ZFHX2: variants seen among roughly 807,000 people sequenced by gnomAD.
The protein encoded by ZFHX2 is zinc finger homeobox protein 2.
In ZFHX2, 75 loss-of-function variants were observed where a neutral mutation model predicts 164.8. The observed-to-expected ratio is 0.46, with a 90% CI of 0.38 to 0.55. The LOEUF (loss-of-function observed/expected upper bound fraction) is 0.55, where lower values mean the gene tolerates loss of function less well. ZFHX2 is among the 20% of genes least tolerant of loss of function. The probability of loss-of-function intolerance (pLI) is 0.00; values close to 1 mark genes in which losing one functional copy is unlikely to be tolerated. For synonymous variants in ZFHX2, 1,217 were observed against 1,351.4 expected (o/e 0.90, Z 2.18); for missense variants, 2,933 against 3,308.0 (o/e 0.89, Z 2.78).
Position 23,522,553 on chromosome 14 carries a change from G to A in ZFHX2, c.7128C>T (p.Gly2376=), listed in dbSNP as rs1211910688. Residue 2376 remains glycine, a synonymous_variant, in exon 10 of 10, where the codon GGC becomes GGT. Transcript: ENST00000419474. ...LQGAYFQQLY[G]MKKGLFPMNP... ...TCATGGGAAATAGCCCCTTCTTCAT[G>A]CCATAGAGCTGTTGGAAGTAGGCCC... 1.3e-6 allele frequency: 2 copies of A among 1,525,820 alleles called. No individual in the cohort carries two copies. The highest frequency in any genetic ancestry group is 2.8e-5 in the African/African-American group (2 of 72,694). The allele number at this position is 1,525,820 out of a possible 1,614,324, so 94.5% of individuals were successfully genotyped here.
At chr14:23,528,150 CT>C (rs1292416054) in intron 6 of ZFHX2, among the ~76,000 whole-genome samples, 1 of 152,166 alleles carries the variant, frequency 6.6e-6, no homozygotes, top group Non-Finnish European at 1.5e-5. Context: ...GCCAGGTGAT[CT>C]ACTCATCTTG....
Position 23,535,037 on chromosome 14 carries a change from C to T in ZFHX2, c.289G>A (p.Glu97Lys), listed in dbSNP as rs1239444379. ...PNDPGVEKDK[E>K]QEEEEEGLPP... The stretch of plus-strand genomic sequence containing the variant: ...AGCCCTTCTTCTTCCTCCTCCTGCT[C>T]CTTGTCCTTTTCCACCCCTGGGTCA... The change falls in exon 2 of 10, where the codon GAG becomes AAG. Residue 97 changes from glutamate to lysine, a missense_variant. By Grantham distance (56) the Glu-to-Lys change is moderately conservative. Coordinates refer to ENST00000419474, the MANE Select transcript of ZFHX2 (RefSeq NM_033400.3). The surrounding 1 kb of genome is among the most constrained non-coding windows in gnomAD (Gnocchi z 4.5). 6.5e-7 allele frequency: 1 copy of T among 1,536,094 alleles called. No individual in the cohort carries two copies. The highest frequency in any genetic ancestry group is 8.7e-7 in the Non-Finnish European group (1 of 1,146,918).
chr14:23,536,730 A>G (rs1260355579), intron 1 of ZFHX2, among the ~76,000 whole-genome samples: 1 of 152,236 alleles, frequency 6.6e-6, no homozygotes, highest in Admixed American at 6.5e-5. Context: ...GTGAAACTAG[A>G]AATGGACTGA....
In ZFHX2 at chr14:23,524,064, T is replaced by G; in HGVS notation, c.5878A>C (p.Lys1960Gln). The G allele has an allele frequency of 2.6e-6, 4 of 1,519,824 alleles. No homozygotes were observed. The highest frequency in any genetic ancestry group is 3.5e-6 in the Non-Finnish European group (4 of 1,137,998). 94.1% of individuals were successfully genotyped at this position (1,519,824 alleles called of 1,614,324 possible). ...TAGGGAAAAGCAGGTGCTTCCCTCT[T>G]TGGGGCTTCCCTCCCAGTGCCATCA... ...VDDGTGREAP[K>Q]REAPAFPYPT... Residue 1960 changes from lysine (K) to glutamine (Q), a missense_variant, in exon 9 of 10, where the codon AAG (lysine) becomes CAG (glutamine). By Grantham distance (53) the Lys-to-Gln change is moderately conservative (BLOSUM62 1). Coordinates refer to ENST00000419474, the MANE Select transcript of ZFHX2 (RefSeq NM_033400.3). The surrounding 1 kb of genome is among the most constrained non-coding windows in gnomAD (Gnocchi z 5.6).
rs116882993 is a variant in ZFHX2, at chr14:23,545,519, G to A, written c.-50+5824C>T. 7.6e-4 allele frequency among the ~76,000 whole-genome samples: 115 copies of A among 152,190 alleles called. 1 individual carries two copies. In the East Asian group the frequency reaches 0.014, roughly 19 times the overall value. On this transcript the variant is annotated intron_variant, in intron 1 of 9. Coordinates refer to ENST00000419474, the MANE Select transcript of ZFHX2 (RefSeq NM_033400.3). ...TTTTTCACCTTTGACTCCTATCTCT[G>A]TCATACTCTCTCCCAACTTCTCCCT...
rs1212187642 is a variant in ZFHX2, at chr14:23,523,726, C to T, written c.6216G>A (p.Met2072Ile). 1 of 1,536,360 alleles carries T rather than the reference C, an allele frequency of 6.5e-7. No homozygotes were observed. Among genetic ancestry groups the T allele is most frequent in the Admixed American group, 2.0e-5 (1 of 51,004 alleles). ...GMGQRRYRTQ[M>I]SSLQLKIMKA... ...TCATGATCTTCAGCTGCAGGCTGCTCATCTGGGTCCTGTAGCGCCGCTGCC... is the reference window on the plus strand; with the variant it reads ...TCATGATCTTCAGCTGCAGGCTGCTTATCTGGGTCCTGTAGCGCCGCTGCC... Residue 2072 changes from methionine to isoleucine, a missense_variant, in exon 9 of 10, where the codon ATG (methionine) becomes ATA (isoleucine). Physicochemically the swap from Met to Ile is conservative, Grantham distance 10. Transcript: ENST00000419474. This position sits in a 1 kb window ranked among gnomAD's most constrained non-coding sequence, Gnocchi z 4.1.
Position 23,526,019 on chromosome 14 carries a change from T to G in ZFHX2, c.3923A>C (p.Lys1308Thr). The G allele has an allele frequency of 6.5e-7, 1 of 1,535,348 alleles. No individual in the cohort carries two copies. The highest frequency in any genetic ancestry group is 1.2e-5 in the South Asian group (1 of 83,928). The change falls in exon 9 of 10, where the codon AAG becomes ACG. Residue 1308 changes from lysine (K) to threonine (T), a missense_variant. Coordinates refer to ENST00000419474, the MANE Select transcript of ZFHX2 (RefSeq NM_033400.3). ...GETEGEVGTEKKGPDTSGFIS... is the reference protein window; with the variant it reads ...GETEGEVGTETKGPDTSGFIS... ...GAAGCCACTGGTGTCAGGGCCCTTC[T>G]TCTCAGTGCCCACCTCCCCCTCTGT...
rs1879352049 is a variant in ZFHX2, at chr14:23,530,197, G to A, written c.2801-3C>T. The A allele has an allele frequency of 1.3e-6, 2 of 1,530,144 alleles. No homozygotes were observed. The highest frequency in any genetic ancestry group is 1.8e-6 in the Non-Finnish European group (2 of 1,141,702). 94.8% of individuals were successfully genotyped at this position (1,530,144 alleles called of 1,614,324 possible). On this transcript the variant is annotated splice_polypyrimidine_tract_variant and splice_region_variant and intron_variant, in intron 4 of 9. Transcript: ENST00000419474. The stretch of plus-strand genomic sequence containing the variant: ...TAAGGGGGTGACAGGAGCCTTCCCT[G>A]TGTAGGATGGGGGGAGAGTCAGCTT...
rs1266889674 is a variant in ZFHX2 at position 23,535,485 on chromosome 14, A to G, written c.-49-111T>C. ...CCTCTTCCCTGAACACCAGACTCAGACACCACTTTGCTAACCTGAAATTTC... is the reference window on the plus strand; with the variant it reads ...CCTCTTCCCTGAACACCAGACTCAGGCACCACTTTGCTAACCTGAAATTTC... On this transcript the variant is annotated intron_variant, in intron 1 of 9. Coordinates refer to ENST00000419474, the MANE Select transcript of ZFHX2 (RefSeq NM_033400.3). This position sits in a 1 kb window ranked among gnomAD's most constrained non-coding sequence, Gnocchi z 4.5. 1.2e-6 allele frequency: 1 copy of G among 857,968 alleles called. No individual in the cohort carries two copies. The highest frequency in any genetic ancestry group is 1.7e-5 in the African/African-American group (1 of 59,202). 53.1% of individuals were successfully genotyped at this position (857,968 alleles called of 1,614,324 possible). A position where few individuals can be genotyped will look rare whatever the true frequency, so the allele number is the denominator to read the frequency against.
At chr14:23,539,401 A>G (rs1277282712) in intron 1 of ZFHX2, among the ~76,000 whole-genome samples, 1 of 152,210 alleles carries the variant, frequency 6.6e-6, no homozygotes, top group African/African-American at 2.4e-5. Context: ...GATACACATT[A>G]GGACCCAGAA....
intron 1 of ZFHX2, among the ~76,000 whole-genome samples, chr14:23,550,918 A>C (rs7159262): frequency 0.18 from 27,503 of 150,104 alleles, 3,421 homozygotes; most frequent in African/African-American, 0.35. Context: ...GAGACCCAGG[A>C]CCCTCCAGGC....
In ZFHX2 at chr14:23,526,435, G is replaced by A. The variant is rs192081877; in HGVS notation, c.3507C>T (p.His1169=). 2.9e-5 allele frequency: 44 copies of A among 1,536,350 alleles called. No homozygotes were observed. Among genetic ancestry groups the A allele is most frequent in the Non-Finnish European group, 3.7e-5 (42 of 1,146,856 alleles). ...SAEPAPADSR[H]PLTYRKTTNF... ...TGGTGGTTTTCCGATAGGTCAGAGG[G>A]TGGCGAGAGTCAGCTGGAGCTGGCT... is the stretch of plus-strand genomic sequence containing the variant. Residue 1169 remains histidine (H), a synonymous_variant, in exon 9 of 10, where the codon CAC becomes CAT. Transcript: ENST00000419474.
chr14:23,525,663 G>A lies in ZFHX2; in HGVS notation c.4279C>T (p.Pro1427Ser), dbSNP rs1160667213. The A allele has an allele frequency of 6.5e-7, 1 of 1,535,258 alleles. No homozygotes were observed. The highest frequency in any genetic ancestry group is 8.7e-7 in the Non-Finnish European group (1 of 1,146,546). Reference protein sequence around the residue: ...KEGNEAGPSSPPDPLPNEAAR... With the variant: ...KEGNEAGPSSSPDPLPNEAAR... ...GCCTCGTTGGGCAATGGGTCGGGGGGTGAGGAAGGCCCTGCCTCATTACCC... is the reference window on the plus strand; with the variant it reads ...GCCTCGTTGGGCAATGGGTCGGGGGATGAGGAAGGCCCTGCCTCATTACCC... The change falls in exon 9 of 10, where the codon CCC becomes TCC. Residue 1427 changes from proline to serine, a missense_variant. Pro to Ser is a moderately conservative substitution (Grantham distance 74). Transcript: ENST00000419474. The surrounding 1 kb of genome is among the most constrained non-coding windows in gnomAD (Gnocchi z 5.9).
chr14:23,534,990 G>A lies in ZFHX2; in HGVS notation c.336C>T (p.Asn112=). 6.5e-7 allele frequency: 1 copy of A among 1,536,182 alleles called. No homozygotes were observed. Among genetic ancestry groups the A allele is most frequent in the Non-Finnish European group, 8.7e-7 (1 of 1,146,914 alleles). Reference sequence around the variant, plus strand: ...CACCTCCAGCTGTGAAGAATAAGTGGTTGCTTAGGTCCATGGGAGGGAGCC... The same window carrying A: ...CACCTCCAGCTGTGAAGAATAAGTGATTGCTTAGGTCCATGGGAGGGAGCC... ...EEGLPPMDLS[N]HLFFTAGGEA... Residue 112 remains asparagine (N), a synonymous_variant, in exon 2 of 10, where the codon AAC becomes AAT. Coordinates refer to ENST00000419474, the MANE Select transcript of ZFHX2 (RefSeq NM_033400.3). The surrounding 1 kb of genome is among the most constrained non-coding windows in gnomAD (Gnocchi z 4.5).
intron 4 of ZFHX2, 125 bp from the exon 5 acceptor site, chr14:23,530,319 G>A (rs1273642443): frequency 3.9e-6 from 3 of 763,782 alleles, no homozygotes; most frequent in Non-Finnish European, 6.7e-6. Context: ...CAATCAGCAG[G>A]TAGGAGAGTA....
chr14:23,534,598 C>A lies in ZFHX2; in HGVS notation c.728G>T (p.Arg243Leu). Residue 243 changes from arginine (R) to leucine (L), a missense_variant, in exon 2 of 10, where the codon CGC (arginine) becomes CTC (leucine). Coordinates refer to ENST00000419474, the MANE Select transcript of ZFHX2 (RefSeq NM_033400.3). The surrounding 1 kb of genome is among the most constrained non-coding windows in gnomAD (Gnocchi z 4.5). ...VAVFWLCLLC[R>L]LGFSKPQAFM... ...GGCCTGGGGCTTGCTGAAACCCAGGCGGCACAGAAGGCAGAGCCAGAAGAC... is the reference window on the plus strand; with the variant it reads ...GGCCTGGGGCTTGCTGAAACCCAGGAGGCACAGAAGGCAGAGCCAGAAGAC... 6.5e-7 allele frequency: 1 copy of A among 1,536,130 alleles called. No homozygotes were observed. Among genetic ancestry groups the A allele is most frequent in the Non-Finnish European group, 8.7e-7 (1 of 1,146,930 alleles).
chr14:23,531,482 G>A lies in ZFHX2; in HGVS notation c.2799C>T (p.Pro933=), dbSNP rs997299341. ...LSFSHGQLRT[P]GKAPVTPLAE... is the part of the protein sequence containing the mutation. Reference sequence around the variant, plus strand: ...ATTCTCCAGTCCCTTCTTCCTCACCGGGAGTCCGGAGCTGCCCGTGGCTGA... The same window carrying A: ...ATTCTCCAGTCCCTTCTTCCTCACCAGGAGTCCGGAGCTGCCCGTGGCTGA... Residue 933 remains proline, a splice_region_variant and synonymous_variant, in exon 4 of 10, where the codon CCC becomes CCT. Coordinates refer to ENST00000419474, the MANE Select transcript of ZFHX2 (RefSeq NM_033400.3). 1.1e-5 allele frequency: 16 copies of A among 1,397,362 alleles called. No individual in the cohort carries two copies. Among genetic ancestry groups the A allele is most frequent in the South Asian group, 3.2e-5 (2 of 63,282 alleles). The allele number at this position is 1,397,362 out of a possible 1,614,324, so 86.6% of individuals were successfully genotyped here. A position where few individuals can be genotyped will look rare whatever the true frequency, so the allele number is the denominator to read the frequency against.
At position 23,523,509 on chromosome 14, in the gene ZFHX2, G is replaced by T; in HGVS notation, c.6433C>A (p.Arg2145Ser). Residue 2145 changes from arginine to serine, a missense_variant, in exon 9 of 10, where the codon CGC becomes AGC. By Grantham distance (110) the Arg-to-Ser change is moderately radical. Transcript: ENST00000419474. This position sits in a 1 kb window ranked among gnomAD's most constrained non-coding sequence, Gnocchi z 4.1. ...ACATCACAATAGGGGCAGTCAGTGCGCTGGGCTGCTAAGAGGCCCTCACTG... is the reference window on the plus strand; with the variant it reads ...ACATCACAATAGGGGCAGTCAGTGCTCTGGGCTGCTAAGAGGCCCTCACTG... ...GSSEGLLAAQ[R>S]TDCPYCDVKY... 6.5e-7 allele frequency: 1 copy of T among 1,536,392 alleles called. No individual in the cohort carries two copies. Among genetic ancestry groups the T allele is most frequent in the Non-Finnish European group, 8.7e-7 (1 of 1,146,920 alleles).
rs1879840261 is a variant in ZFHX2, at chr14:23,533,639, G to T, written c.1687C>A (p.Pro563Thr). The T allele has an allele frequency of 6.5e-7, 1 of 1,536,984 alleles. No homozygotes were observed. The highest frequency in any genetic ancestry group is 2.4e-5 in the East Asian group (1 of 40,922). The change falls in exon 2 of 10, where the codon CCT becomes ACT. Residue 563 changes from proline (P) to threonine (T), a missense_variant. By Grantham distance (38) the Pro-to-Thr change is conservative. Transcript: ENST00000419474. The surrounding 1 kb of genome is among the most constrained non-coding windows in gnomAD (Gnocchi z 4.8). The stretch of plus-strand genomic sequence containing the variant: ...CACTGCCAGGATGATTTGGTCTTAG[G>T]CTCTTTGTCTCCCGCGGAGGGTGGG... ...SLPPSAGDKE[P>T]KTKSSWQCKV...
Sources: allele counts gnomAD v4.1 joint callset (sites outside exome capture counted in the v4.1 genomes callset), GRCh38; gene constraint gnomAD v4.1.1; non-coding constraint Gnocchi (gnomAD v3.1); transcripts MANE v1.5; gene names NCBI Gene and HGNC (gene_info 2026-07-23, HGNC 2026-07-21).